Variants in SHLD1 observed in about 807,000 individuals in gnomAD.
SHLD1 encodes shieldin complex subunit 1, also known as RINN1-REV7-interacting novel NHEJ regulator 3.
SHLD1 carries 3 observed loss-of-function variants against 5.5 expected under a neutral mutation model. That is an observed-to-expected ratio of 0.54 (90% CI 0.25 to 1.40). The LOEUF (loss-of-function observed/expected upper bound fraction) is 1.40. Among genes scored for constraint, SHLD1 ranks in the 40% most tolerant of loss-of-function variants. The pLI, the probability that SHLD1 is intolerant of heterozygous loss-of-function variation, is 0.15. For missense variants in SHLD1, 210 were observed against 244.4 expected (o/e 0.86, Z 0.94); for synonymous variants, 92 against 94.3 (o/e 0.98, Z 0.14).
chr20:5,768,853 G>A (rs559124848), intron 1 of SHLD1, among the ~76,000 whole-genome samples: 2 of 152,034 alleles, frequency 1.3e-5, no homozygotes, highest in South Asian at 4.2e-4. Context: ...CTTGGAAGGC[G>A]GCTATGCTCA....
At chr20:5,762,971 CAAAAAAAA>C (rs561487362) in intron 1 of SHLD1, among the ~76,000 whole-genome samples, 11 of 102,698 alleles carry the variant, frequency 1.1e-4, no homozygotes, top group African/African-American at 3.5e-4. Flanking sequence ...GACTCCGTCT[CAAAAAAAA>C]AAAAAAAAAA....
intron 2 of SHLD1, among the ~76,000 whole-genome samples, chr20:5,796,985 A>AGGAAAAT: frequency 1.3e-5 from 2 of 152,232 alleles, no homozygotes; most frequent in Non-Finnish European, 2.9e-5. Context: ...CTAACTAGCC[A>AGGAAAAT]GGAAAATGAG....
intron 2 of SHLD1, among the ~76,000 whole-genome samples, chr20:5,825,705 C>T (rs1020181531): frequency 6.6e-6 from 1 of 152,180 alleles, no homozygotes; most frequent in Non-Finnish European, 1.5e-5. Context: ...TGTGCCATTG[C>T]GCTCCTGCCT....
intron 2 of SHLD1, among the ~76,000 whole-genome samples, chr20:5,821,245 G>T (rs1317802367): frequency 6.6e-6 from 1 of 151,908 alleles, no homozygotes; most frequent in Non-Finnish European, 1.5e-5. Context: ...CGTGGTGGTG[G>T]CTCACGCCTA....
At chr20:5,848,054 G>A (rs908938727) in intron 2 of SHLD1, among the ~76,000 whole-genome samples, 3 of 152,190 alleles carry the variant, frequency 2.0e-5, no homozygotes, top group East Asian at 1.9e-4. Flanking sequence ...ATACTATAGA[G>A]CAGTTTTACA....
chr20:5,799,681 G>A (rs1011946076), intron 2 of SHLD1, among the ~76,000 whole-genome samples: 5 of 152,082 alleles, frequency 3.3e-5, no homozygotes, highest in Non-Finnish European at 7.4e-5. Context: ...ATGAGAGATT[G>A]GCATGTGCAT....
At position 5,847,362 on chromosome 20, in the gene SHLD1, C is replaced by T. The variant is rs2087944442; in HGVS notation, c.179-15662C>T. 3.3e-5 allele frequency among the ~76,000 whole-genome samples: 5 copies of T among 152,088 alleles called. No individual in the cohort carries two copies. In the South Asian group the frequency reaches 1.0e-3, roughly 32 times the overall value. On this transcript the variant is annotated intron_variant, in intron 2 of 2. Transcript: ENST00000303142. ...AGTATCACCTTTGGTAGTGATAAGC[C>T]GATGCCGTGAGGGTTGTTTTGCTTG...
intron 2 of SHLD1, among the ~76,000 whole-genome samples, chr20:5,821,684 G>C (rs1292800082): frequency 6.6e-6 from 1 of 152,182 alleles, no homozygotes; most frequent in Admixed American, 6.5e-5. Context: ...GGGTAGTTCT[G>C]GCTCAGGGTC....
At chr20:5,757,999 C>A (rs2122182672) in intron 1 of SHLD1, among the ~76,000 whole-genome samples, 1 of 152,244 alleles carries the variant, frequency 6.6e-6, no homozygotes, top group Non-Finnish European at 1.5e-5. Context: ...GATTTGATTT[C>A]TTGCGCTATC....
intron 2 of SHLD1, among the ~76,000 whole-genome samples, chr20:5,858,036 T>A (rs1202688012): frequency 2.0e-5 from 3 of 150,116 alleles, no homozygotes; most frequent in Non-Finnish European, 4.4e-5. Context: ...GAGGCAGAGG[T>A]TGCAGTGAGC....
rs1199821685 is a variant in SHLD1, at chr20:5,791,996, A to G, written c.178+18953A>G. Among the ~76,000 whole-genome samples the G allele has an allele frequency of 8.5e-5, 13 of 152,194 alleles. No individual in the cohort carries two copies. In the East Asian group the frequency reaches 2.5e-3, roughly 29 times the overall value. ...TTCCACATGTTTATTGGCCATTTGC[A>G]TACCATCTTTGAAGAAACATCTATT... On this transcript the variant is annotated intron_variant, in intron 2 of 2. Transcript: ENST00000303142.
intron 2 of SHLD1, among the ~76,000 whole-genome samples, chr20:5,822,729 C>A (rs552880491): frequency 6.6e-6 from 1 of 151,958 alleles, no homozygotes; most frequent in Non-Finnish European, 1.5e-5. Flanking sequence ...TCACACCCAC[C>A]GTTAACCCCT....
In SHLD1 at chr20:5,857,378, C is replaced by T. The variant is rs1242655645; in HGVS notation, c.179-5646C>T. 4.6e-5 allele frequency among the ~76,000 whole-genome samples: 7 copies of T among 152,124 alleles called. No homozygotes were observed. The East Asian group carries it at 5.8e-4, about 13-fold the overall frequency. ...GCCTCCAACAGACCAACCAAGGAAG[C>T]GGGGCCTGGGAACTTAGGAGTGTGC... On this transcript the variant is annotated intron_variant, in intron 2 of 2. Coordinates refer to ENST00000303142, the MANE Select transcript of SHLD1 (RefSeq NM_152504.4).
chr20:5,788,659 G>A (rs774081232), intron 2 of SHLD1, among the ~76,000 whole-genome samples: 10 of 152,144 alleles, frequency 6.6e-5, no homozygotes, highest in Non-Finnish European at 1.3e-4. Flanking sequence ...GTGCCTACTC[G>A]AGGTAGAATT....
Position 5,817,430 on chromosome 20 carries a change from C to CTGTGTGTGTGTGTGTGTG in SHLD1, c.178+44388_178+44389insGTGTGTGTGTGTGTGTGT, listed in dbSNP as rs1348723186. Among the ~76,000 whole-genome samples the CTGTGTGTGTGTGTGTGTG allele has an allele frequency of 3.0e-5, 3 of 99,576 alleles. No individual in the cohort carries two copies. In the South Asian group the frequency reaches 9.6e-4, roughly 32 times the overall value. 65.3% of individuals were successfully genotyped at this position (99,576 alleles called of 152,430 possible). A position where few individuals can be genotyped will look rare whatever the true frequency, so the allele number is the denominator to read the frequency against. ...TCTCTCTCTCTCTCTCTCTCTCTCTCTCTGTGTGTGTGTGTGTGTGTGTGT... is the reference window on the plus strand; with the variant it reads ...TCTCTCTCTCTCTCTCTCTCTCTCTCTGTGTGTGTGTGTGTGTGTCTGTGTGTGTGTGTGTGTGTGTGT... On this transcript the variant is annotated intron_variant, in intron 2 of 2. Coordinates refer to ENST00000303142, the MANE Select transcript of SHLD1 (RefSeq NM_152504.4).
chr20:5,853,355 A>C (rs1470333453), intron 2 of SHLD1, among the ~76,000 whole-genome samples: 3 of 152,200 alleles, frequency 2.0e-5, no homozygotes, highest in Non-Finnish European at 4.4e-5. Context: ...CTGAGGCAGG[A>C]GAATCGCTTG....
At position 5,863,358 on chromosome 20, in the gene SHLD1, A is replaced by G. The variant is rs1436328690; in HGVS notation, c.513A>G (p.Pro171=). ...ATTCCAGGGACACCCACTTCTACCC[A>G]CTGGAGGAAGGAAGTACATCTTTGG... The part of the protein sequence containing the change: ...QRHSRDTHFY[P]LEEGSTSLDD... Residue 171 remains proline, a synonymous_variant, in exon 3 of 3, where the codon CCA becomes CCG. Transcript: ENST00000303142. The G allele has an allele frequency of 2.5e-6, 4 of 1,614,106 alleles. No homozygotes were observed. The East Asian group carries it at 6.7e-5, about 27-fold the overall frequency.
At chr20:5,751,306 G>GT (rs145934312) in intron 1 of SHLD1, among the ~76,000 whole-genome samples, 2,723 of 151,432 alleles carry the variant, frequency 0.018, 91 homozygotes, top group African/African-American at 0.063. Flanking sequence ...CATGACTTTT[G>GT]TTCTTTTTTT....
rs77416775 is a variant in SHLD1, at chr20:5,778,795, A to G, written c.178+5752A>G. On this transcript the variant is annotated intron_variant, in intron 2 of 2. Transcript: ENST00000303142. ...GAAATAAACGTGCTCAGGTTTATCTATCACAAAGAGAACTTCATTTTAACA... is the reference window on the plus strand; with the variant it reads ...GAAATAAACGTGCTCAGGTTTATCTGTCACAAAGAGAACTTCATTTTAACA... Among the ~76,000 whole-genome samples the G allele has an allele frequency of 5.4e-3, 830 of 152,318 alleles. 10 individuals carry two copies. The highest frequency in any genetic ancestry group is 0.019 in the African/African-American group (786 of 41,574).
Sources: allele counts gnomAD v4.1 joint callset (sites outside exome capture counted in the v4.1 genomes callset), GRCh38; gene constraint gnomAD v4.1.1; transcripts MANE v1.5; gene names NCBI Gene and HGNC (gene_info 2026-07-23, HGNC 2026-07-21).